Variants in ADAMTSL3 observed in about 807,000 individuals in gnomAD.
The protein encoded by ADAMTSL3 is ADAMTS like 3, also known as ADAMTS-like protein 3.
A neutral mutation model predicts 201.7 loss-of-function variants in ADAMTSL3; 128 were observed. The ratio of observed to expected loss-of-function variants is 0.63; its 90% CI spans 0.55 to 0.73. The LOEUF is 0.73. Among genes scored for constraint, ADAMTSL3 ranks in the 30% least tolerant of loss-of-function variants. The probability of loss-of-function intolerance (pLI) is 0.00; values close to 1 mark genes in which losing one functional copy is unlikely to be tolerated. For missense variants in ADAMTSL3, 1,990 were observed against 2,119.6 expected, an observed-to-expected ratio of 0.94 and a Z score of 1.20; for synonymous variants, 738 against 748.4, an observed-to-expected ratio of 0.99 and a Z score of 0.23.
At chr15:83,822,010 C>CT (rs1940655017) in intron 6 of ADAMTSL3, among the ~76,000 whole-genome samples, 2 of 132,444 alleles carry the variant, frequency 1.5e-5, no homozygotes, top group South Asian at 5.3e-4. Flanking sequence ...TGACCTCCCC[C>CT]ACCTCCCTCC....
At chr15:83,977,062 C>T (rs941009508) in intron 20 of ADAMTSL3, among the ~76,000 whole-genome samples, 2 of 152,094 alleles carry the variant, frequency 1.3e-5, no homozygotes, top group East Asian at 1.9e-4. Flanking sequence ...AGGAGGTGAG[C>T]GGGAGGCAAG....
intron 2 of ADAMTSL3, among the ~76,000 whole-genome samples, chr15:83,694,110 C>T (rs1159098952): frequency 6.6e-6 from 1 of 152,162 alleles, no homozygotes; most frequent in Non-Finnish European, 1.5e-5. Flanking sequence ...AGAGCATGTT[C>T]TTCTTCAACA....
chr15:83,702,979 C>T (rs934284195), intron 2 of ADAMTSL3, among the ~76,000 whole-genome samples: 1 of 152,152 alleles, frequency 6.6e-6, no homozygotes, highest in South Asian at 2.1e-4. Context: ...AGGCCATACC[C>T]TGAAAAGCCA....
chr15:83,773,587 G>T lies in ADAMTSL3; in HGVS notation c.254G>T (p.Ser85Ile). 1 of 1,614,054 alleles carries T rather than the reference G, an allele frequency of 6.2e-7. No homozygotes were observed. Residue 85 changes from serine to isoleucine, a missense_variant, in exon 4 of 30, where the codon AGT becomes ATT. Physicochemically the swap from Ser to Ile is moderately radical, Grantham distance 142 (BLOSUM62 -2). Transcript: ENST00000286744. ...AACTGGGATGCTTGGGGCGACTGGAGTGACTGCTCCCGGACCTGTGGGGGA... is the reference window on the plus strand; with the variant it reads ...AACTGGGATGCTTGGGGCGACTGGATTGACTGCTCCCGGACCTGTGGGGGA... ...DGNWDAWGDW[S>I]DCSRTCGGGA... is the part of the protein sequence containing the mutation.
At chr15:83,942,882 C>A in intron 18 of ADAMTSL3, 21 bp from the exon 19 acceptor site, 1 of 1,608,344 alleles carries the variant, frequency 6.2e-7, no homozygotes, top group South Asian at 1.1e-5. Context: ...CCTGCCGCCT[C>A]ACCCCCTCTT....
chr15:83,777,913 A>G (rs1295338465), intron 4 of ADAMTSL3, among the ~76,000 whole-genome samples: 2 of 152,052 alleles, frequency 1.3e-5, no homozygotes, highest in African/African-American at 4.8e-5. Flanking sequence ...AATAACTAGT[A>G]TAGGAGTGTG....
Position 83,897,909 on chromosome 15 carries a change from A to T in ADAMTSL3, c.1519A>T (p.Asn507Tyr). The change falls in exon 14 of 30, where the codon AAC becomes TAC. Residue 507 changes from asparagine (N) to tyrosine (Y), a missense_variant. Physicochemically the swap from Asn to Tyr is moderately radical, Grantham distance 143. Coordinates refer to ENST00000286744, the MANE Select transcript of ADAMTSL3 (RefSeq NM_207517.3). The part of the protein sequence containing the change: ...GLRYRVVLCI[N>Y]HRGEHVGGCN... ...ACGGTACCGGGTTGTTCTGTGTATTAACCACCGCGGAGAGCATGTTGGGGG... is the reference window on the plus strand; with the variant it reads ...ACGGTACCGGGTTGTTCTGTGTATTTACCACCGCGGAGAGCATGTTGGGGG... 6.2e-7 allele frequency: 1 copy of T among 1,613,878 alleles called. No individual in the cohort carries two copies. Among genetic ancestry groups the T allele is most frequent in the Non-Finnish European group, 8.5e-7 (1 of 1,179,830 alleles).
At chr15:83,787,536 A>G (rs377350383) in intron 4 of ADAMTSL3, among the ~76,000 whole-genome samples, 7 of 152,280 alleles carry the variant, frequency 4.6e-5, no homozygotes, top group East Asian at 1.9e-4. Context: ...TTTTTCAACA[A>G]TGTACATGTA....
intron 27 of ADAMTSL3, among the ~76,000 whole-genome samples, chr15:84,026,955 A>G (rs551532408): frequency 1.3e-5 from 2 of 152,370 alleles, no homozygotes; most frequent in East Asian, 3.9e-4. Context: ...CTTGTGCTGC[A>G]AAGGAAACCA....
chr15:83,679,563 GC>G (rs2061450298), intron 2 of ADAMTSL3, among the ~76,000 whole-genome samples: 1 of 151,956 alleles, frequency 6.6e-6, no homozygotes, highest in Admixed American at 6.6e-5. Context: ...AATTTTTAGT[GC>G]CCTGCAATGC....
At chr15:83,827,958 T>C (rs533482981) in intron 6 of ADAMTSL3, among the ~76,000 whole-genome samples, 1 of 152,326 alleles carries the variant, frequency 6.6e-6, no homozygotes, top group South Asian at 2.1e-4. Context: ...ACGTGATGCC[T>C]CCAGCTTTGT....
At chr15:83,946,104 G>A (rs2066649661) in intron 19 of ADAMTSL3, among the ~76,000 whole-genome samples, 1 of 152,176 alleles carries the variant, frequency 6.6e-6, no homozygotes, top group Admixed American at 6.6e-5. Context: ...CCACTGCCAA[G>A]CTCTAAAATA....
intron 16 of ADAMTSL3, among the ~76,000 whole-genome samples, chr15:83,914,857 GTTTGTTT>G (rs2066003565): frequency 4.3e-5 from 1 of 23,460 alleles, no homozygotes; most frequent in Non-Finnish European, 6.4e-5. Flanking sequence ...GGTTTTGTTT[GTTTGTTT>G]GTTTGTTTGT....
chr15:83,687,943 G>A (rs74024540), intron 2 of ADAMTSL3, among the ~76,000 whole-genome samples: 2,797 of 152,252 alleles, frequency 0.018, 83 homozygotes, highest in African/African-American at 0.057. Flanking sequence ...CAGTGGATGA[G>A]TTGAAGGAAA....
chr15:83,660,640 C>T (rs571733907), intron 2 of ADAMTSL3, among the ~76,000 whole-genome samples: 4 of 152,258 alleles, frequency 2.6e-5, no homozygotes, highest in South Asian at 2.1e-4. Context: ...CTTGTGAAAT[C>T]GCCTTTTCCC....
intron 5 of ADAMTSL3, among the ~76,000 whole-genome samples, 153 bp from the exon 6 acceptor site, chr15:83,819,658 A>C (rs1410307134): frequency 3.9e-5 from 3 of 77,508 alleles, no homozygotes; most frequent in Non-Finnish European, 5.3e-5. Flanking sequence ...TTCAACGTTG[A>C]ATCAAAAAAA....
At chr15:83,884,024 C>T (rs552729812) in intron 9 of ADAMTSL3, among the ~76,000 whole-genome samples, 1 of 152,214 alleles carries the variant, frequency 6.6e-6, no homozygotes, top group South Asian at 2.1e-4. Context: ...TCCTGAGTAG[C>T]TGGGACTACA....
Position 83,795,795 on chromosome 15 carries a change from A to G in ADAMTSL3, c.318-8855A>G, listed in dbSNP as rs74024566. ...GAAAATTGATCTTGTAGCCTGTGAT[A>G]TCCTTAAGGTATGGCAGCAATGAAA... On this transcript the variant is annotated intron_variant, in intron 4 of 29. Coordinates refer to ENST00000286744, the MANE Select transcript of ADAMTSL3 (RefSeq NM_207517.3). Among the ~76,000 whole-genome samples the G allele has an allele frequency of 4.7e-3, 719 of 152,278 alleles. 5 individuals carry two copies. The highest frequency in any genetic ancestry group is 0.017 in the African/African-American group (691 of 41,552).
chr15:84,039,834 C>A lies in ADAMTSL3; in HGVS notation c.*2028C>A, dbSNP rs895493658. The A allele has an allele frequency of 6.6e-6, 1 of 152,618 alleles. No homozygotes were observed. Among genetic ancestry groups the A allele is most frequent in the Non-Finnish European group, 1.5e-5 (1 of 68,040 alleles). 9.5% of individuals were successfully genotyped at this position (152,618 alleles called of 1,614,324 possible). A position where few individuals can be genotyped will look rare whatever the true frequency, so the allele number is the denominator to read the frequency against. ...ATTTACTTTGATTATTCAGTGGCATCCTTATAAATGTAGGCAGCTTATGTG... is the reference window on the plus strand; with the variant it reads ...ATTTACTTTGATTATTCAGTGGCATACTTATAAATGTAGGCAGCTTATGTG... On this transcript the variant is annotated 3_prime_UTR_variant, in exon 30 of 30. Coordinates refer to ENST00000286744, the MANE Select transcript of ADAMTSL3 (RefSeq NM_207517.3).
Sources: allele counts gnomAD v4.1 joint callset (sites outside exome capture counted in the v4.1 genomes callset), GRCh38; gene constraint gnomAD v4.1.1; transcripts MANE v1.5; gene names NCBI Gene and HGNC (gene_info 2026-07-23, HGNC 2026-07-21).